TRPV5: variants seen among roughly 807,000 people sequenced by gnomAD.
The protein encoded by TRPV5 is calcium transport protein 2.
A neutral mutation model predicts 74.1 loss-of-function variants in TRPV5; 66 were observed. The observed-to-expected ratio is 0.89, with a 90% CI of 0.73 to 1.09. The LOEUF is 1.09. TRPV5 is among the 50% of genes least tolerant of loss of function. The pLI is 0.00. For missense variants in TRPV5, 936 were observed against 930.4 expected (o/e 1.01, Z -0.08); for synonymous variants, 399 against 360.7 (o/e 1.11, Z -1.20).
At chr7:142,926,751 T>A (rs1380532935) in intron 7 of TRPV5, among the ~76,000 whole-genome samples, 2 of 151,996 alleles carry the variant, frequency 1.3e-5, no homozygotes, top group African/African-American at 4.8e-5. Context: ...AGACCAAGGA[T>A]ATGTGGTGGC....
In TRPV5 at chr7:142,931,173, C is replaced by A. The variant is rs184098831; in HGVS notation, c.129-727G>T. ...GAGTAGCTGGGATTACAGGCACGCACCACCACGCCCAGCTAATTTTTTGTA... is the reference window on the plus strand; with the variant it reads ...GAGTAGCTGGGATTACAGGCACGCAACACCACGCCCAGCTAATTTTTTGTA... On this transcript the variant is annotated intron_variant, in intron 1 of 14. Transcript: ENST00000265310. 9.5e-4 allele frequency among the ~76,000 whole-genome samples: 144 copies of A among 152,084 alleles called. 1 individual carries two copies. Among genetic ancestry groups the A allele is most frequent in the African/African-American group, 3.3e-3 (138 of 41,494 alleles).
chr7:142,914,995 G>A lies in TRPV5; in HGVS notation c.1338C>T (p.Asn446=). 1.2e-6 allele frequency: 2 copies of A among 1,614,150 alleles called. No homozygotes were observed. Among genetic ancestry groups the A allele is most frequent in the Non-Finnish European group, 1.7e-6 (2 of 1,180,022 alleles). Residue 446 remains asparagine, a synonymous_variant, in exon 11 of 15, where the codon AAC becomes AAT. Transcript: ENST00000265310. The part of the protein sequence containing the change: ...VLVTMVMRLT[N]TNGEVVPMSF... ...ACATGGGCACCACCTCCCCATTGGT[G>A]TTGGTGAGCCGCATCACCATGGTCA...
In TRPV5 at chr7:142,908,431, A is replaced by G; in HGVS notation, c.*83T>C. The G allele has an allele frequency of 6.8e-7, 1 of 1,466,908 alleles. No homozygotes were observed. Among genetic ancestry groups the G allele is most frequent in the South Asian group, 1.2e-5 (1 of 80,074 alleles). 90.9% of individuals were successfully genotyped at this position (1,466,908 alleles called of 1,614,324 possible). On this transcript the variant is annotated 3_prime_UTR_variant, in exon 15 of 15. Coordinates refer to ENST00000265310, the MANE Select transcript of TRPV5 (RefSeq NM_019841.7). Reference sequence around the variant, plus strand: ...CATGATTAACAGGCACAGAAGTTAGACACTTGCATAGGCAGAGGTCTCCGT... The same window carrying G: ...CATGATTAACAGGCACAGAAGTTAGGCACTTGCATAGGCAGAGGTCTCCGT...
At chr7:142,916,898 TTTTTC>T (rs1216800742) in intron 8 of TRPV5, among the ~76,000 whole-genome samples, 3 of 151,632 alleles carry the variant, frequency 2.0e-5, no homozygotes, top group East Asian at 1.9e-4. Flanking sequence ...AACACTTTTT[TTTTTC>T]TTTTTTGGCT....
At position 142,930,389 on chromosome 7, in the gene TRPV5, C is replaced by T. The variant is rs776994462; in HGVS notation, c.186G>A (p.Arg62=). Residue 62 remains arginine (R), a synonymous_variant, in exon 2 of 15, where the codon AGG becomes AGA. Coordinates refer to ENST00000265310, the MANE Select transcript of TRPV5 (RefSeq NM_019841.7). Reference sequence around the variant, plus strand: ...CACAGGTGCAGTCCAGTAGAAGTTGCCTAAGAACAGACAGGTCATTTTCCT... The same window carrying T: ...CACAGGTGCAGTCCAGTAGAAGTTGTCTAAGAACAGACAGGTCATTTTCCT... ...ASKENDLSVL[R]QLLLDCTCDV... 72 of 1,614,000 alleles carry T rather than the reference C, an allele frequency of 4.5e-5. 1 individual carries two copies. The South Asian group carries it at 7.6e-4, about 17-fold the overall frequency.
intron 8 of TRPV5, among the ~76,000 whole-genome samples, chr7:142,917,785 G>A (rs1795824842): frequency 6.6e-6 from 1 of 152,176 alleles, no homozygotes; most frequent in African/African-American, 2.4e-5. Flanking sequence ...GCTGCAAAGT[G>A]CCACAGACTC....
chr7:142,912,837 G>GATCTATCT (rs3840678), intron 12 of TRPV5, 87 bp from the exon 13 acceptor site: 146,924 of 733,032 alleles, frequency 0.2, 16,253 homozygotes, highest in East Asian at 0.31. Flanking sequence ...TTCTATCTCT[G>GATCTATCT]ATCTATCTAT....
At chr7:142,926,372 G>T (rs1349999189) in intron 7 of TRPV5, among the ~76,000 whole-genome samples, 1 of 152,166 alleles carries the variant, frequency 6.6e-6, no homozygotes, top group Admixed American at 6.5e-5. Context: ...AGACGTTAAA[G>T]ATACACAGGA....
chr7:142,918,812 T>C (rs1463276037), intron 8 of TRPV5, among the ~76,000 whole-genome samples: 1 of 152,208 alleles, frequency 6.6e-6, no homozygotes, highest in Non-Finnish European at 1.5e-5. Context: ...GATCTGCCAC[T>C]TGATTTGTAA....
chr7:142,925,278 A>C, intron 8 of TRPV5: 1 of 562,844 alleles, frequency 1.8e-6, no homozygotes, highest in Non-Finnish European at 3.2e-6. Flanking sequence ...ACAAAAGCAC[A>C]GGCTTACTCA....
intron 8 of TRPV5, among the ~76,000 whole-genome samples, chr7:142,918,378 C>T (rs938119568): frequency 2.6e-5 from 4 of 152,236 alleles, no homozygotes; most frequent in Non-Finnish European, 5.9e-5. Context: ...GACATGTTTT[C>T]CTTTCCCTTG....
In TRPV5 at chr7:142,929,134, G is replaced by A. The variant is rs772947323; in HGVS notation, c.488-14C>T. 30 of 1,613,352 alleles carry A rather than the reference G, an allele frequency of 1.9e-5. No individual in the cohort carries two copies. Among genetic ancestry groups the A allele is most frequent in the Non-Finnish European group, 2.5e-5 (30 of 1,179,668 alleles). ...AAGGGTGCTCCCCTGTGGACACAGA[G>A]AGATCCATGGCAGGAGAACGCAGGA... On this transcript the variant is annotated splice_polypyrimidine_tract_variant and intron_variant, in intron 4 of 14. Coordinates refer to ENST00000265310, the MANE Select transcript of TRPV5 (RefSeq NM_019841.7).
chr7:142,930,292 GGGA>G (rs1260460444), intron 2 of TRPV5, 54 bp downstream of exon 2: 3 of 1,609,912 alleles, frequency 1.9e-6, no homozygotes, highest in Non-Finnish European at 2.5e-6. Context: ...CGAAGTCTTG[GGGA>G]GGAGGAGTAG....
chr7:142,926,928 C>A (rs1795998340), intron 7 of TRPV5, among the ~76,000 whole-genome samples: 1 of 152,130 alleles, frequency 6.6e-6, no homozygotes, highest in South Asian at 2.1e-4. Context: ...TATAAGGATT[C>A]CTGGGAAATT....
chr7:142,925,353 C>T lies in TRPV5; in HGVS notation c.1122+176G>A, dbSNP rs1421724575. The T allele has an allele frequency of 4.7e-6, 3 of 633,108 alleles. No homozygotes were observed. In the East Asian group the frequency reaches 8.2e-5, roughly 17 times the overall value. The allele number at this position is 633,108 out of a possible 1,614,324, so 39.2% of individuals were successfully genotyped here. On this transcript the variant is annotated intron_variant, in intron 8 of 14. Transcript: ENST00000265310. Reference sequence around the variant, plus strand: ...AGCTCCCTGGACAAATGCTCTTGTGCTCATTAAACCCCATCTGTGGCCTCC... The same window carrying T: ...AGCTCCCTGGACAAATGCTCTTGTGTTCATTAAACCCCATCTGTGGCCTCC...
In TRPV5 at chr7:142,930,092, C is replaced by A. The variant is rs1372336235; in HGVS notation, c.315G>T (p.Leu105=). The A allele has an allele frequency of 3.7e-6, 6 of 1,614,062 alleles. No homozygotes were observed. The African/African-American group carries it at 6.7e-5, about 18-fold the overall frequency. The change falls in exon 3 of 15, where the codon CTG becomes CTT. Residue 105 remains leucine, a synonymous_variant. Coordinates refer to ENST00000265310, the MANE Select transcript of TRPV5 (RefSeq NM_019841.7). ...CCTCACATGTGGTGGGCTCAAAGAC[C>A]AGCTCTGGGGCAGCCTCCATCAGCA... is the stretch of plus-strand genomic sequence containing the variant. ...ALVLMEAAPE[L]VFEPTTCEAF... is the part of the protein sequence containing the mutation.
chr7:142,929,270 T>G, intron 4 of TRPV5, 150 bp from the exon 5 acceptor site: 3 of 1,472,128 alleles, frequency 2.0e-6, no homozygotes, highest in Non-Finnish European at 2.7e-6. Flanking sequence ...GAAGGAACCA[T>G]CAGGGGAATG....
rs775788046 is a variant in TRPV5, at chr7:142,908,482, G to A, written c.*32C>T. 9.3e-6 allele frequency: 15 copies of A among 1,605,278 alleles called. No homozygotes were observed. Among genetic ancestry groups the A allele is most frequent in the South Asian group, 5.5e-5 (5 of 90,826 alleles). ...CTCTGTCCCCGCCCCCAGGCCAACC[G>A]GGAGTAAGGTCAAGAGTGATAGCGA... On this transcript the variant is annotated 3_prime_UTR_variant, in exon 15 of 15. Coordinates refer to ENST00000265310, the MANE Select transcript of TRPV5 (RefSeq NM_019841.7).
Position 142,915,083 on chromosome 7 carries a change from G to A in TRPV5, c.1287-37C>T, listed in dbSNP as rs1191396731. On this transcript the variant is annotated intron_variant, in intron 10 of 14. Coordinates refer to ENST00000265310, the MANE Select transcript of TRPV5 (RefSeq NM_019841.7). ...GAAAGCAGAGAGTGAGAGACAAGCT[G>A]GAACTATTTTAGGTCCCTACAGCAT... is the stretch of plus-strand genomic sequence containing the variant. The A allele has an allele frequency of 3.1e-6, 5 of 1,605,438 alleles. No homozygotes were observed. The African/African-American group carries it at 5.3e-5, about 17-fold the overall frequency.
Sources: gnomAD v4.1 joint callset for allele counts (sites outside exome capture counted in the v4.1 genomes callset) on GRCh38, gnomAD v4.1.1 for gene constraint, MANE v1.5 for transcripts, NCBI Gene and HGNC (gene_info 2026-07-23, HGNC 2026-07-21) for gene names.